Variants in C2CD5 observed in about 807,000 individuals in gnomAD.
The protein encoded by C2CD5 is C2 domain-containing protein 5.
A neutral mutation model predicts 130.3 loss-of-function variants in C2CD5; 109 were observed. That is an observed-to-expected ratio of 0.84 (90% CI 0.72 to 0.98). The LOEUF is 0.98. Among genes scored for constraint, C2CD5 ranks in the 50% least tolerant of loss-of-function variants. The probability of loss-of-function intolerance (pLI) is 0.00; values close to 1 mark genes in which losing one functional copy is unlikely to be tolerated. For missense variants in C2CD5, 996 were observed against 1,261.8 expected (o/e 0.79, Z 3.19); for synonymous variants, 454 against 429.2 (o/e 1.06, Z -0.71).
At chr12:22,496,526 T>C (rs10842030) in intron 10 of C2CD5, among the ~76,000 whole-genome samples, 23,833 of 151,730 alleles carry the variant, frequency 0.16, 3,796 homozygotes, top group African/African-American at 0.41. Context: ...TTAATAAACA[T>C]TAAATAAACA....
At position 22,513,283 on chromosome 12, in the gene C2CD5, G is replaced by A. The variant is rs1315983482; in HGVS notation, c.1038+11C>T. The A allele has an allele frequency of 1.3e-6, 2 of 1,558,222 alleles. No individual in the cohort carries two copies. Among genetic ancestry groups the A allele is most frequent in the Non-Finnish European group, 1.8e-6 (2 of 1,129,466 alleles). On this transcript the variant is annotated intron_variant, in intron 9 of 26. Coordinates refer to ENST00000446597, the MANE Select transcript of C2CD5 (RefSeq NM_001286176.2). Reference sequence around the variant, plus strand: ...ACAGTGTAAGAACAAAGAATATCAAGTGAATCTTACCCTCTGTTCCAACGC... The same window carrying A: ...ACAGTGTAAGAACAAAGAATATCAAATGAATCTTACCCTCTGTTCCAACGC...
At chr12:22,466,993 G>T (rs1224387496) in intron 22 of C2CD5, among the ~76,000 whole-genome samples, 1 of 152,176 alleles carries the variant, frequency 6.6e-6, no homozygotes, top group East Asian at 1.9e-4. Flanking sequence ...AATCAAAGCT[G>T]CTGTTTCAGA....
chr12:22,457,241 G>T, intron 24 of C2CD5, 80 bp from the exon 25 acceptor site: 1 of 950,848 alleles, frequency 1.1e-6, no homozygotes, highest in Admixed American at 2.7e-5. Flanking sequence ...CAAATAAGTG[G>T]TGACAACATT....
chr12:22,514,630 CATG>C (rs1949528445), intron 8 of C2CD5, among the ~76,000 whole-genome samples: 1 of 151,966 alleles, frequency 6.6e-6, no homozygotes, highest in East Asian at 1.9e-4. Context: ...GGTTTAGCAA[CATG>C]ATGACACAGG....
At chr12:22,526,464 T>C (rs563373374) in intron 4 of C2CD5, among the ~76,000 whole-genome samples, 81 of 152,336 alleles carry the variant, frequency 5.3e-4, no homozygotes, top group African/African-American at 1.9e-3. Context: ...AGATCCAGGA[T>C]TAAAATTCAG....
At chr12:22,488,288 G>A (rs564655551) in intron 12 of C2CD5, among the ~76,000 whole-genome samples, 49 of 152,188 alleles carry the variant, frequency 3.2e-4, no homozygotes, top group African/African-American at 1.1e-3. Flanking sequence ...TGACTTCAAG[G>A]CAAGACGTAG....
rs1017627081 is a variant in C2CD5 at position 22,536,178 on chromosome 12, T to C, written c.91-834A>G. On this transcript the variant is annotated intron_variant, in intron 2 of 26. Coordinates refer to ENST00000446597, the MANE Select transcript of C2CD5 (RefSeq NM_001286176.2). The stretch of plus-strand genomic sequence containing the variant: ...AAAGACAGAATTCATATAATAGTTA[T>C]ATGTCTGTATATGCGCACATTATTT... 2.6e-5 allele frequency among the ~76,000 whole-genome samples: 4 copies of C among 151,826 alleles called. No individual in the cohort carries two copies. The South Asian group carries it at 6.2e-4, about 24-fold the overall frequency.
At chr12:22,527,314 A>G (rs1950804734) in intron 4 of C2CD5, among the ~76,000 whole-genome samples, 1 of 134,772 alleles carries the variant, frequency 7.4e-6, no homozygotes, top group South Asian at 2.2e-4. Context: ...GATATATTAT[A>G]TACATATATA....
chr12:22,509,002 G>T (rs996539260), intron 9 of C2CD5, among the ~76,000 whole-genome samples: 2 of 150,924 alleles, frequency 1.3e-5, no homozygotes, highest in Non-Finnish European at 2.9e-5. Flanking sequence ...TCAGCCTCCC[G>T]AGTAGCTGGG....
intron 3 of C2CD5, among the ~76,000 whole-genome samples, chr12:22,534,265 T>C (rs1410371146): frequency 6.6e-6 from 1 of 152,134 alleles, no homozygotes; most frequent in Non-Finnish European, 1.5e-5. Context: ...ATGACCTACA[T>C]ATAGGAATTA....
At chr12:22,471,879 A>G (rs1482493321) in intron 19 of C2CD5, 88 bp downstream of exon 19, 5 of 766,942 alleles carry the variant, frequency 6.5e-6, no homozygotes, top group East Asian at 2.6e-5. Context: ...ACAACTGTGT[A>G]AGGTATTACA....
At position 22,479,108 on chromosome 12, in the gene C2CD5, C is replaced by T. The variant is rs1427618447; in HGVS notation, c.1738-631G>A. Among the ~76,000 whole-genome samples the T allele has an allele frequency of 3.9e-5, 6 of 151,924 alleles. No individual in the cohort carries two copies. The South Asian group carries it at 1.2e-3, about 32-fold the overall frequency. ...TTTTTTTTTGAGACGAAGTCCCACG[C>T]TTTCACCCAGGCTGGAGTGTAGTGG... On this transcript the variant is annotated intron_variant, in intron 14 of 26. Transcript: ENST00000446597.
At chr12:22,486,875 C>T (rs1406945030) in intron 12 of C2CD5, among the ~76,000 whole-genome samples, 2 of 151,724 alleles carry the variant, frequency 1.3e-5, no homozygotes, top group African/African-American at 4.8e-5. Context: ...GATAAAGAGA[C>T]AACAGAGCCC....
chr12:22,459,420 C>G, intron 23 of C2CD5, 72 bp downstream of exon 23: 1 of 969,600 alleles, frequency 1.0e-6, no homozygotes, highest in Non-Finnish European at 1.6e-6. Context: ...TCTTCAATGT[C>G]TATAATTTTA....
Position 22,517,979 on chromosome 12 carries a change from G to A in C2CD5, c.952+7C>T, listed in dbSNP as rs747635222. 51 of 1,606,212 alleles carry A rather than the reference G, an allele frequency of 3.2e-5. No homozygotes were observed. The highest frequency in any genetic ancestry group is 8.9e-5 in the South Asian group (8 of 89,424). On this transcript the variant is annotated splice_region_variant and intron_variant, in intron 8 of 26. Coordinates refer to ENST00000446597, the MANE Select transcript of C2CD5 (RefSeq NM_001286176.2). ...GAAAAAATAAAAGGTGGGTGGAAGC[G>A]CCTTACCAGTTTTGGGTGTCAAACT...
chr12:22,514,870 A>G (rs1011875756), intron 8 of C2CD5: 25 of 462,462 alleles, frequency 5.4e-5, no homozygotes, highest in Non-Finnish European at 6.8e-5. Flanking sequence ...TAAGAAAAAT[A>G]ATAGAAAGGC....
At chr12:22,513,220 G>T in intron 9 of C2CD5, 74 bp downstream of exon 9, 2 of 1,055,998 alleles carry the variant, frequency 1.9e-6, no homozygotes, top group Non-Finnish European at 2.9e-6. Context: ...ATGAAAACAT[G>T]CAAGTACATG....
intron 4 of C2CD5, among the ~76,000 whole-genome samples, chr12:22,526,780 T>G (rs1950758744): frequency 6.6e-6 from 1 of 152,256 alleles, no homozygotes; most frequent in Non-Finnish European, 1.5e-5. Flanking sequence ...ATCTTATCTC[T>G]AAACATTTAC....
At chr12:22,489,947 C>T (rs750378020) in intron 12 of C2CD5, among the ~76,000 whole-genome samples, 176 bp downstream of exon 12, 1 of 152,142 alleles carries the variant, frequency 6.6e-6, no homozygotes, top group African/African-American at 2.4e-5. Context: ...AGTGCAGAAT[C>T]CAATACTCCT....
Sources: allele counts gnomAD v4.1 joint callset (sites outside exome capture counted in the v4.1 genomes callset), GRCh38; gene constraint gnomAD v4.1.1; transcripts MANE v1.5; gene names NCBI Gene and HGNC (gene_info 2026-07-23, HGNC 2026-07-21).